The following GRIK2 variants were observed in gnomAD, a reference collection of about 807,000 sequenced individuals.
GRIK2 encodes glutamate ionotropic receptor kainate type subunit 2, also known as glutamate receptor ionotropic, kainate 2.
In GRIK2, 32 loss-of-function variants were observed where a neutral mutation model predicts 100.3. That is an observed-to-expected ratio of 0.32 (90% CI 0.24 to 0.43). GRIK2 has a LOEUF of 0.43. Among genes scored for constraint, GRIK2 ranks in the 20% least tolerant of loss-of-function variants. GRIK2 has a pLI of 1.00. For missense variants in GRIK2, 843 were observed against 1,114.9 expected, an observed-to-expected ratio of 0.76 and a Z score of 3.47; for synonymous variants, 417 against 389.4, an observed-to-expected ratio of 1.07 and a Z score of -0.83.
chr6:101,650,458 AAG>A (rs1177441235), intron 4 of GRIK2, among the ~76,000 whole-genome samples: 2 of 152,120 alleles, frequency 1.3e-5, no homozygotes, highest in African/African-American at 4.8e-5. Context: ...TCAGTCGACA[AAG>A]AGAAGCTGTA....
intron 16 of GRIK2, among the ~76,000 whole-genome samples, chr6:102,061,578 G>A (rs1034863340): frequency 4.0e-5 from 6 of 150,448 alleles, no homozygotes; most frequent in African/African-American, 1.5e-4. Context: ...CACCTTCCTA[G>A]ATAGTAAGCA....
At chr6:101,882,267 T>C (rs1275767906) in intron 11 of GRIK2, among the ~76,000 whole-genome samples, 4 of 152,110 alleles carry the variant, frequency 2.6e-5, no homozygotes, top group Admixed American at 1.3e-4. Context: ...AATATTATAA[T>C]AATTCTAGTA....
At chr6:101,899,501 G>T (rs1298174803) in intron 12 of GRIK2, among the ~76,000 whole-genome samples, 1 of 151,854 alleles carries the variant, frequency 6.6e-6, no homozygotes, top group African/African-American at 2.4e-5. Context: ...CAGACTTTCA[G>T]TTTTAATACC....
chr6:101,415,249 C>T (rs1200951715), intron 2 of GRIK2, among the ~76,000 whole-genome samples: 1 of 151,282 alleles, frequency 6.6e-6, no homozygotes, highest in Non-Finnish European at 1.5e-5. Context: ...CACCCATTAT[C>T]TCACCATAAG....
At chr6:101,772,005 T>C (rs913374651) in intron 7 of GRIK2, among the ~76,000 whole-genome samples, 4 of 152,174 alleles carry the variant, frequency 2.6e-5, no homozygotes, top group Non-Finnish European at 1.5e-5. Context: ...CGTGTGCATG[T>C]GTGTTTATAG....
rs112472112 is a variant in GRIK2 at position 101,841,369 on chromosome 6, AT to A, written c.1318-17906del. 1.0e-3 allele frequency among the ~76,000 whole-genome samples: 150 copies of A among 146,842 alleles called. 1 individual carries two copies. The highest frequency in any genetic ancestry group is 3.5e-3 in the Middle Eastern group (1 of 284). ...CGTGCATTGTGAATATCTCAGAATG[AT>A]TTTTTTTTTTTGGTACGGTTTCTCT... On this transcript the variant is annotated intron_variant, in intron 10 of 16. Coordinates refer to ENST00000369134, the MANE Select transcript of GRIK2 (RefSeq NM_021956.5).
intron 7 of GRIK2, among the ~76,000 whole-genome samples, chr6:101,796,134 T>C (rs1780287538): frequency 6.6e-6 from 1 of 152,202 alleles, no homozygotes; most frequent in South Asian, 2.1e-4. Flanking sequence ...ATGGATTAAA[T>C]CCAGCTCTAC....
At chr6:101,961,130 A>C (rs967873911) in intron 14 of GRIK2, among the ~76,000 whole-genome samples, 2 of 152,038 alleles carry the variant, frequency 1.3e-5, no homozygotes, top group Admixed American at 6.5e-5. Context: ...TCCACATCAC[A>C]CCCTTCTTCC....
intron 14 of GRIK2, among the ~76,000 whole-genome samples, chr6:101,985,836 T>G (rs572437331): frequency 1.3e-5 from 2 of 151,938 alleles, no homozygotes; most frequent in South Asian, 4.1e-4. Flanking sequence ...AATGATAAGG[T>G]AAACATATCT....
chr6:101,871,388 CTTTTA>C (rs1412637456), intron 11 of GRIK2, among the ~76,000 whole-genome samples: 1 of 151,456 alleles, frequency 6.6e-6, no homozygotes, highest in Admixed American at 6.6e-5. Context: ...CTTTTTCTAA[CTTTTA>C]TTTTAAATTC....
intron 4 of GRIK2, among the ~76,000 whole-genome samples, chr6:101,661,041 G>C (rs1425082482): frequency 6.6e-6 from 1 of 152,134 alleles, no homozygotes; most frequent in African/African-American, 2.4e-5. Context: ...GAGCCAGCAG[G>C]CAGGAATGTT....
chr6:101,914,394 G>C (rs1788959940), intron 12 of GRIK2, among the ~76,000 whole-genome samples: 2 of 151,370 alleles, frequency 1.3e-5, no homozygotes, highest in Admixed American at 6.6e-5. Context: ...ATGTAATATG[G>C]AATGGGTTGA....
At chr6:102,053,444 T>C (rs1195451133) in intron 15 of GRIK2, among the ~76,000 whole-genome samples, 1 of 152,156 alleles carries the variant, frequency 6.6e-6, no homozygotes, top group East Asian at 1.9e-4. Flanking sequence ...CACCATGTTA[T>C]TGCTCTTACG....
At position 101,750,140 on chromosome 6, in the gene GRIK2, A is replaced by G. The variant is rs188873913; in HGVS notation, c.952-49508A>G. Among the ~76,000 whole-genome samples the G allele has an allele frequency of 3.7e-3, 557 of 152,172 alleles. 12 individuals carry two copies. The highest frequency in any genetic ancestry group is 7.1e-4 in the Non-Finnish European group (48 of 67,984). On this transcript the variant is annotated intron_variant, in intron 7 of 16. Transcript: ENST00000369134. ...GTGTGTGCCAGTTTCTATGATAAAT[A>G]TCGTACCTAAAGTTGCCTCATGTAG...
chr6:101,701,465 A>G (rs998230513), intron 7 of GRIK2, among the ~76,000 whole-genome samples: 23 of 152,090 alleles, frequency 1.5e-4, no homozygotes, highest in East Asian at 9.7e-4. Context: ...TGTCTATCAA[A>G]TAAACTTCTC....
intron 14 of GRIK2, among the ~76,000 whole-genome samples, chr6:101,954,360 C>T (rs1183205125): frequency 6.6e-6 from 1 of 151,978 alleles, no homozygotes; most frequent in Admixed American, 6.6e-5. Flanking sequence ...AGATGTTTTT[C>T]AAATTATTTA....
Position 101,676,746 on chromosome 6 carries a change from A to C in GRIK2, c.665A>C (p.Lys222Thr). The C allele has an allele frequency of 6.2e-7, 1 of 1,609,556 alleles. No homozygotes were observed. Among genetic ancestry groups the C allele is most frequent in the East Asian group, 2.2e-5 (1 of 44,598 alleles). The change falls in exon 5 of 17, where the codon AAG becomes ACG. Residue 222 changes from lysine (K) to threonine (T), a missense_variant. Lys to Thr is a moderately conservative substitution (Grantham distance 78). This residue lies in a region of GRIK2 where 519 missense variants were observed against 643.8 expected (regional missense o/e 0.81). Transcript: ENST00000369134. The part of the protein sequence containing the change: ...KPLLKEMKRG[K>T]EFHVIFDCSH... Reference sequence around the variant, plus strand: ...TTACTAAAAGAAATGAAAAGAGGCAAGGAGTTTCATGTAATCTTTGATTGT... The same window carrying C: ...TTACTAAAAGAAATGAAAAGAGGCACGGAGTTTCATGTAATCTTTGATTGT...
rs9498816 is a variant in GRIK2, at chr6:102,036,109, T to C, written c.2311+543T>C. Among the ~76,000 whole-genome samples, 466 of 151,376 alleles carry C rather than the reference T, an allele frequency of 3.1e-3. 2 individuals are homozygous for C. The highest frequency in any genetic ancestry group is 0.011 in the African/African-American group (451 of 41,398). ...CATCCCCCTTCTTTCATATGGCAAA[T>C]CATTTTTAGTCAAAATAATCAAATG... On this transcript the variant is annotated intron_variant, in intron 15 of 16. Coordinates refer to ENST00000369134, the MANE Select transcript of GRIK2 (RefSeq NM_021956.5).
intron 2 of GRIK2, among the ~76,000 whole-genome samples, chr6:101,425,271 T>C (rs1776642420): frequency 6.6e-6 from 1 of 152,174 alleles, no homozygotes; most frequent in Non-Finnish European, 1.5e-5. Context: ...AACTAGTTTA[T>C]CCAAATTTTT....
Sources: gnomAD v4.1 joint callset for allele counts (sites outside exome capture counted in the v4.1 genomes callset) on GRCh38, gnomAD v4.1.1 for gene constraint, gnomAD v4.1.1 regional missense constraint, MANE v1.5 for transcripts, NCBI Gene and HGNC (gene_info 2026-07-23, HGNC 2026-07-21) for gene names.